Variants in TTC23 observed in about 807,000 individuals in gnomAD.
TTC23 encodes tetratricopeptide repeat domain 23.
Under a neutral mutation model 55.1 loss-of-function variants are expected in TTC23, and 58 were observed. That is an observed-to-expected ratio of 1.05 (90% CI 0.85 to 1.31). The LOEUF (loss-of-function observed/expected upper bound fraction) is 1.31, where lower values mean the gene tolerates loss of function less well. Ranked by LOEUF, TTC23 falls within the 50% of genes most tolerant of loss-of-function variation. The pLI is 0.00. For missense variants in TTC23, 516 were observed against 534.4 expected (o/e 0.97, Z 0.34); for synonymous variants, 203 against 199.9 (o/e 1.02, Z -0.13).
At chr15:99,185,625 A>G (rs2074589656) in intron 9 of TTC23, among the ~76,000 whole-genome samples, 1 of 152,204 alleles carries the variant, frequency 6.6e-6, no homozygotes, top group African/African-American at 2.4e-5. Flanking sequence ...GTGTTAATTT[A>G]TACACACCCA....
At chr15:99,236,604 T>C (rs1245621882) in intron 3 of TTC23, among the ~76,000 whole-genome samples, 1 of 152,036 alleles carries the variant, frequency 6.6e-6, no homozygotes, top group East Asian at 1.9e-4. Flanking sequence ...CCCCGGCTGG[T>C]CTCCAACTCC....
intron 5 of TTC23, among the ~76,000 whole-genome samples, chr15:99,222,922 G>C (rs916596541): frequency 1.3e-5 from 2 of 152,174 alleles, no homozygotes; most frequent in Non-Finnish European, 2.9e-5. Context: ...GTGTGAACCC[G>C]GGAGGCGGAG....
chr15:99,177,300 C>CT (rs1416898877), intron 9 of TTC23, among the ~76,000 whole-genome samples: 1 of 152,178 alleles, frequency 6.6e-6, no homozygotes, highest in African/African-American at 2.4e-5. Context: ...TTTAAAATGA[C>CT]TTTTCTTATT....
intron 9 of TTC23, among the ~76,000 whole-genome samples, chr15:99,198,773 A>G (rs948166755): frequency 1.3e-5 from 2 of 152,248 alleles, no homozygotes; most frequent in African/African-American, 4.8e-5. Context: ...ACAAACTGTG[A>G]GTAGGAGTAT....
At chr15:99,216,933 A>G (rs551147914) in intron 8 of TTC23, among the ~76,000 whole-genome samples, 11 of 152,340 alleles carry the variant, frequency 7.2e-5, no homozygotes, top group Admixed American at 5.9e-4. Context: ...CTGTGTAAGG[A>G]TGGTCATGGC....
intron 9 of TTC23, among the ~76,000 whole-genome samples, chr15:99,184,501 T>C (rs1363216334): frequency 6.6e-6 from 1 of 152,168 alleles, no homozygotes; most frequent in Admixed American, 6.5e-5. Flanking sequence ...AACTATAAGG[T>C]TTAATTACTA....
chr15:99,147,648 GCA>G (rs2069111469), intron 12 of TTC23, among the ~76,000 whole-genome samples: 2 of 152,110 alleles, frequency 1.3e-5, no homozygotes, highest in Admixed American at 6.5e-5. Flanking sequence ...GAGTCTTTAA[GCA>G]CACTTCTCAA....
chr15:99,145,752 G>A (rs1337562239), intron 12 of TTC23, among the ~76,000 whole-genome samples: 1 of 152,026 alleles, frequency 6.6e-6, no homozygotes, highest in Non-Finnish European at 1.5e-5. Flanking sequence ...TTACTTGAAG[G>A]GACACTGATC....
intron 9 of TTC23, among the ~76,000 whole-genome samples, chr15:99,176,698 CA>C (rs1211985257): frequency 1.3e-5 from 2 of 152,154 alleles, no homozygotes; most frequent in African/African-American, 4.8e-5. Context: ...ATGTAAGCTG[CA>C]CTTTAATTCT....
chr15:99,241,158 AC>A (rs1291072188), intron 3 of TTC23, among the ~76,000 whole-genome samples: 1 of 152,148 alleles, frequency 6.6e-6, no homozygotes, highest in Non-Finnish European at 1.5e-5. Flanking sequence ...CTCTACTAAT[AC>A]AAAAAATTAG....
chr15:99,249,413 T>C lies in TTC23; in HGVS notation c.-673A>G, dbSNP rs1385777186. ...AGTTTACCCAGTCTGCTGGAGAGGC[T>C]CACCGTTTCTTTTTCGAGCGAATTA... is the stretch of plus-strand genomic sequence containing the variant. On this transcript the variant is annotated 5_prime_UTR_variant, in exon 1 of 14. Transcript: ENST00000394132. 6.6e-6 allele frequency: 1 copy of C among 152,230 alleles called. No homozygotes were observed. Among genetic ancestry groups the C allele is most frequent in the African/African-American group, 2.4e-5 (1 of 41,456 alleles). 9.4% of individuals were successfully genotyped at this position (152,230 alleles called of 1,614,324 possible).
chr15:99,219,334 T>A (rs1331169595), intron 6 of TTC23, among the ~76,000 whole-genome samples: 1 of 152,178 alleles, frequency 6.6e-6, no homozygotes. Context: ...AAGCAAAATA[T>A]GTTACATATA....
intron 12 of TTC23, among the ~76,000 whole-genome samples, chr15:99,153,088 C>T (rs1353809377): frequency 3.3e-5 from 5 of 152,216 alleles, no homozygotes; most frequent in African/African-American, 9.6e-5. Context: ...CATGAGCCAC[C>T]GTGCCTGGCC....
At chr15:99,229,583 C>A (rs2034430780) in intron 4 of TTC23, among the ~76,000 whole-genome samples, 1 of 152,182 alleles carries the variant, frequency 6.6e-6, no homozygotes, top group South Asian at 2.1e-4. Context: ...GGACAAATTA[C>A]TGAAGAGGAG....
intron 9 of TTC23, among the ~76,000 whole-genome samples, chr15:99,186,498 C>T: frequency 6.6e-6 from 1 of 152,022 alleles, no homozygotes; most frequent in Non-Finnish European, 1.5e-5. Flanking sequence ...TCCACTATAA[C>T]CTGGATACAG....
chr15:99,238,670 T>A (rs771464532), intron 3 of TTC23, among the ~76,000 whole-genome samples: 1 of 152,176 alleles, frequency 6.6e-6, no homozygotes, highest in East Asian at 1.9e-4. Flanking sequence ...TCCAAGCCAA[T>A]TGCTGCAGTA....
intron 12 of TTC23, among the ~76,000 whole-genome samples, chr15:99,149,782 T>C (rs924812358): frequency 1.3e-5 from 2 of 152,224 alleles, no homozygotes; most frequent in Non-Finnish European, 1.5e-5. Context: ...TGAGGAATGA[T>C]GTATGAGCCA....
At chr15:99,190,619 A>C (rs572401204) in intron 9 of TTC23, among the ~76,000 whole-genome samples, 61 of 152,226 alleles carry the variant, frequency 4.0e-4, no homozygotes, top group Non-Finnish European at 8.1e-4. Context: ...AATGTGGCAA[A>C]ATACGTTACA....
intron 11 of TTC23, 99 bp downstream of exon 11, chr15:99,161,641 G>T: frequency 2.9e-6 from 4 of 1,389,714 alleles, no homozygotes; most frequent in Non-Finnish European, 3.9e-6. Flanking sequence ...CACATGCTTT[G>T]CACACAGTAG....
Sources: gnomAD v4.1 joint callset for allele counts (sites outside exome capture counted in the v4.1 genomes callset) on GRCh38, gnomAD v4.1.1 for gene constraint, MANE v1.5 for transcripts, NCBI Gene and HGNC (gene_info 2026-07-23, HGNC 2026-07-21) for gene names.